Variants in RBMS3 observed in about 807,000 individuals in gnomAD.
RBMS3 encodes the protein RNA binding motif single stranded interacting protein 3.
RBMS3 carries 27 observed loss-of-function variants against 66.8 expected under a neutral mutation model. The ratio of observed to expected loss-of-function variants is 0.40; its 90% CI spans 0.30 to 0.56. RBMS3 has a LOEUF of 0.56. Among genes scored for constraint, RBMS3 ranks in the 20% least tolerant of loss-of-function variants. The probability of loss-of-function intolerance (pLI) is 0.40; values close to 1 mark genes in which losing one functional copy is unlikely to be tolerated. For missense variants in RBMS3, 513 were observed against 549.5 expected (o/e 0.93, Z 0.66); for synonymous variants, 188 against 183.0 (o/e 1.03, Z -0.22).
At chr3:29,995,675 T>A (rs1400298623) in intron 14 of RBMS3, among the ~76,000 whole-genome samples, 1 of 152,100 alleles carries the variant, frequency 6.6e-6, no homozygotes, top group Admixed American at 6.6e-5. Context: ...CTAAGCTTCA[T>A]AAGTGAAGGA....
chr3:29,780,287 C>T (rs1358297271), intron 6 of RBMS3, among the ~76,000 whole-genome samples: 1 of 149,760 alleles, frequency 6.7e-6, no homozygotes, highest in Non-Finnish European at 1.5e-5. Context: ...TGATTTGAAA[C>T]TGCTTGAGTT....
chr3:29,571,236 T>C (rs955320795), intron 3 of RBMS3, among the ~76,000 whole-genome samples: 1 of 152,144 alleles, frequency 6.6e-6, no homozygotes, highest in South Asian at 2.1e-4. Context: ...ATCTGTCAGA[T>C]GGGTAGTTTG....
intron 4 of RBMS3, among the ~76,000 whole-genome samples, chr3:29,601,864 G>A (rs1418181279): frequency 6.6e-6 from 1 of 152,044 alleles, no homozygotes; most frequent in Non-Finnish European, 1.5e-5. Flanking sequence ...GGAGACAGTG[G>A]TGACATTTGC....
chr3:29,518,533 G>A (rs142785762), intron 3 of RBMS3, among the ~76,000 whole-genome samples: 1 of 152,252 alleles, frequency 6.6e-6, no homozygotes, highest in African/African-American at 2.4e-5. Flanking sequence ...TATTAAAGGT[G>A]CATCCTTTAA....
At chr3:29,801,531 G>T (rs1033105880) in intron 6 of RBMS3, among the ~76,000 whole-genome samples, 8 of 139,202 alleles carry the variant, frequency 5.7e-5, no homozygotes, top group Admixed American at 5.7e-4. Flanking sequence ...GCCTCCCAAA[G>T]TGCTGGGATT....
intron 3 of RBMS3, among the ~76,000 whole-genome samples, chr3:29,575,856 A>G (rs1398190916): frequency 6.6e-6 from 1 of 151,664 alleles, no homozygotes; most frequent in Admixed American, 6.6e-5. Context: ...CTTTTAAATT[A>G]TTTCAGTTTC....
chr3:29,916,155 C>G (rs1298579081), intron 10 of RBMS3, among the ~76,000 whole-genome samples: 1 of 151,892 alleles, frequency 6.6e-6, no homozygotes, highest in African/African-American at 2.4e-5. Flanking sequence ...CATTGGTTTC[C>G]TAGCAGAGCC....
At chr3:29,870,452 T>C (rs1047804687) in intron 7 of RBMS3, among the ~76,000 whole-genome samples, 3 of 152,162 alleles carry the variant, frequency 2.0e-5, no homozygotes, top group Non-Finnish European at 4.4e-5. Flanking sequence ...TGACAGAAGA[T>C]TCAGTTTCTG....
chr3:29,747,596 T>A (rs1008203904), intron 5 of RBMS3, among the ~76,000 whole-genome samples: 4 of 152,200 alleles, frequency 2.6e-5, no homozygotes, highest in African/African-American at 9.7e-5. Context: ...ATGCAGGATT[T>A]TTGCTCCTTA....
At chr3:29,577,975 T>C (rs2047183614) in intron 3 of RBMS3, among the ~76,000 whole-genome samples, 1 of 152,224 alleles carries the variant, frequency 6.6e-6, no homozygotes, top group African/African-American at 2.4e-5. Flanking sequence ...ACTATGTAGG[T>C]TTCTATTCTG....
intron 1 of RBMS3, among the ~76,000 whole-genome samples, chr3:29,294,296 A>G (rs984988122): frequency 2.6e-5 from 4 of 151,734 alleles, no homozygotes; most frequent in African/African-American, 9.7e-5. Context: ...CATGGATACA[A>G]TCTCTTGGGG....
At chr3:29,821,483 A>C (rs1235960886) in intron 6 of RBMS3, among the ~76,000 whole-genome samples, 2 of 152,190 alleles carry the variant, frequency 1.3e-5, no homozygotes, top group Non-Finnish European at 2.9e-5. Context: ...CTTAATACTG[A>C]GTTATACAAG....
At chr3:29,915,452 G>A (rs6778759) in intron 10 of RBMS3, among the ~76,000 whole-genome samples, 30,276 of 151,760 alleles carry the variant, frequency 0.2, 3,784 homozygotes, top group Non-Finnish European at 0.28. Context: ...CCCTGAATAT[G>A]TTATACATGC....
intron 7 of RBMS3, among the ~76,000 whole-genome samples, chr3:29,880,181 G>T (rs1357185506): frequency 6.6e-6 from 1 of 151,892 alleles, no homozygotes; most frequent in African/African-American, 2.4e-5. Context: ...TCCTATTTTG[G>T]CTGAAATACT....
chr3:29,511,683 A>G (rs1267534646), intron 3 of RBMS3, among the ~76,000 whole-genome samples: 1 of 151,950 alleles, frequency 6.6e-6, no homozygotes, highest in Non-Finnish European at 1.5e-5. Context: ...ATCATACATA[A>G]AGAATAACAC....
chr3:29,544,593 G>C (rs894142826), intron 3 of RBMS3, among the ~76,000 whole-genome samples: 2 of 151,944 alleles, frequency 1.3e-5, no homozygotes, highest in Admixed American at 6.6e-5. Context: ...AAAAAGGTGA[G>C]GCTAAGTCTT....
In RBMS3 at chr3:29,304,917, C is replaced by T. The variant is rs190919864; in HGVS notation, c.75+23161C>T. 1.4e-3 allele frequency among the ~76,000 whole-genome samples: 213 copies of T among 152,056 alleles called. 1 individual carries two copies. Among genetic ancestry groups the T allele is most frequent in the African/African-American group, 4.9e-3 (205 of 41,532 alleles). ...ACTTGACTGTGTGTTCTTGATTTCT[C>T]TACCATAACAATATATATCCTCAGT... On this transcript the variant is annotated intron_variant, in intron 1 of 14. Coordinates refer to ENST00000383767, the MANE Select transcript of RBMS3 (RefSeq NM_001003793.3).
At position 29,435,765 on chromosome 3, in the gene RBMS3, C is replaced by T. The variant is rs116601986; in HGVS notation, c.248+850C>T. On this transcript the variant is annotated intron_variant, in intron 2 of 14. Transcript: ENST00000383767. ...CCTGACTAACACGGTCTGGCTAACA[C>T]GGTGAAACCCCATCCTGGCTAACAC... is the stretch of plus-strand genomic sequence containing the variant. Among the ~76,000 whole-genome samples, 815 of 152,114 alleles carry T rather than the reference C, an allele frequency of 5.4e-3. 1 individual carries two copies. Among genetic ancestry groups the T allele is most frequent in the Non-Finnish European group, 8.6e-3 (583 of 67,990 alleles).
intron 4 of RBMS3, among the ~76,000 whole-genome samples, chr3:29,714,003 CA>C (rs1260567688): frequency 1.3e-5 from 2 of 151,862 alleles, no homozygotes; most frequent in Non-Finnish European, 2.9e-5. Flanking sequence ...TGCAGTGAGC[CA>C]AGATTGTACC....
Sources: allele counts gnomAD v4.1 joint callset (sites outside exome capture counted in the v4.1 genomes callset), GRCh38; gene constraint gnomAD v4.1.1; transcripts MANE v1.5; gene names NCBI Gene and HGNC (gene_info 2026-07-23, HGNC 2026-07-21).